CYP19A1: variants seen among roughly 807,000 people sequenced by gnomAD.
CYP19A1 encodes cytochrome P450 family 19 subfamily A member 1.
A neutral mutation model predicts 44.4 loss-of-function variants in CYP19A1; 32 were observed. That is an observed-to-expected ratio of 0.72 (90% CI 0.54 to 0.97). The LOEUF is 0.97. CYP19A1 is among the 50% of genes least tolerant of loss of function. The probability of loss-of-function intolerance (pLI) is 0.00; values close to 1 mark genes in which losing one functional copy is unlikely to be tolerated. For missense variants in CYP19A1, 598 were observed against 637.8 expected (o/e 0.94, Z 0.67); for synonymous variants, 212 against 215.6 (o/e 0.98, Z 0.14).
intron 1 of CYP19A1, among the ~76,000 whole-genome samples, chr15:51,259,028 G>A (rs546185586): frequency 1.1e-4 from 17 of 152,262 alleles, no homozygotes; most frequent in Admixed American, 9.2e-4. Context: ...GGCAGTTTAG[G>A]CAAATCAGGA....
intron 1 of CYP19A1, among the ~76,000 whole-genome samples, chr15:51,251,073 C>G (rs2034287542): frequency 6.6e-6 from 1 of 152,162 alleles, no homozygotes; most frequent in Non-Finnish European, 1.5e-5. Context: ...ACTTCCCAGG[C>G]CTGCCACGCC....
At chr15:51,336,949 A>G (rs990226359) in intron 1 of CYP19A1, among the ~76,000 whole-genome samples, 1 of 151,608 alleles carries the variant, frequency 6.6e-6, no homozygotes, top group East Asian at 1.9e-4. Flanking sequence ...GTAGCAGCCC[A>G]TTCTGTGAAG....
At position 51,208,814 on chromosome 15, in the gene CYP19A1, A is replaced by G. The variant is rs1362893229; in HGVS notation, c.*1994T>C. On this transcript the variant is annotated 3_prime_UTR_variant, in exon 10 of 10. Coordinates refer to ENST00000396402, the MANE Select transcript of CYP19A1 (RefSeq NM_000103.4). ...GGATATTTTTGTACCTGCAAAATAG[A>G]TATCTATGTACAGCTATATCAAACA... is the stretch of plus-strand genomic sequence containing the variant. 1 of 140,812 alleles carries G rather than the reference A, an allele frequency of 7.1e-6. No homozygotes were observed. The highest frequency in any genetic ancestry group is 2.7e-5 in the African/African-American group (1 of 37,660). The allele number at this position is 140,812 out of a possible 1,614,324, so 8.7% of individuals were successfully genotyped here.
chr15:51,319,946 T>C (rs752182786), intron 1 of CYP19A1, among the ~76,000 whole-genome samples: 2 of 152,238 alleles, frequency 1.3e-5, no homozygotes, highest in Non-Finnish European at 2.9e-5. Context: ...AGCTCATGGA[T>C]GTGAACACCT....
intron 1 of CYP19A1, among the ~76,000 whole-genome samples, chr15:51,254,884 G>A (rs755418213): frequency 6.6e-6 from 1 of 152,092 alleles, no homozygotes; most frequent in Non-Finnish European, 1.5e-5. Flanking sequence ...CAAGGTGTTG[G>A]CATTCCTCAA....
chr15:51,243,994 CATACTCCAAGGTTTGCCTTTACTTAG>C (rs2033935403), intron 1 of CYP19A1, among the ~76,000 whole-genome samples: 1 of 152,198 alleles, frequency 6.6e-6, no homozygotes, highest in Non-Finnish European at 1.5e-5. Flanking sequence ...TGGCAGATGA[CATACTCCAAGGTTTGCCTTTACTTAG>C]ACAGGGCCTA....
intron 1 of CYP19A1, among the ~76,000 whole-genome samples, chr15:51,251,770 C>A (rs959007560): frequency 6.6e-6 from 1 of 152,174 alleles, no homozygotes; most frequent in African/African-American, 2.4e-5. Flanking sequence ...GCACTGCTGG[C>A]CTTTCCTTGA....
Position 51,210,681 on chromosome 15 carries a change from G to A in CYP19A1, c.*127C>T, listed in dbSNP as rs758042526. ...CTAGCTTGGTGACAACCCATAGGAGGTATGCCTATAAAATGCCATGGGCCA... is the reference window on the plus strand; with the variant it reads ...CTAGCTTGGTGACAACCCATAGGAGATATGCCTATAAAATGCCATGGGCCA... On this transcript the variant is annotated 3_prime_UTR_variant, in exon 10 of 10. Transcript: ENST00000396402. 2 of 780,492 alleles carry A rather than the reference G, an allele frequency of 2.6e-6. No individual in the cohort carries two copies. Among genetic ancestry groups the A allele is most frequent in the South Asian group, 2.7e-5 (2 of 73,964 alleles). The allele number at this position is 780,492 out of a possible 1,614,324, so 48.3% of individuals were successfully genotyped here. A position where few individuals can be genotyped will look rare whatever the true frequency, so the allele number is the denominator to read the frequency against.
chr15:51,213,149 C>T (rs1029692515), intron 8 of CYP19A1, among the ~76,000 whole-genome samples: 1 of 152,186 alleles, frequency 6.6e-6, no homozygotes, highest in Admixed American at 6.5e-5. Context: ...CCTGTGCAGT[C>T]ATCTGCCCAT....
chr15:51,236,794 G>C, intron 3 of CYP19A1, 65 bp downstream of exon 3: 1 of 1,588,132 alleles, frequency 6.3e-7, no homozygotes, highest in Non-Finnish European at 8.6e-7. Context: ...AAATAAAGTT[G>C]TCTTAAGTGG....
chr15:51,311,281 A>C (rs796408992), intron 1 of CYP19A1, among the ~76,000 whole-genome samples: 40 of 152,356 alleles, frequency 2.6e-4, no homozygotes, highest in African/African-American at 9.1e-4. Context: ...GAAATTATAT[A>C]AAAGAAGAAC....
Position 51,238,235 on chromosome 15 carries a change from C to T in CYP19A1, c.146-1226G>A, listed in dbSNP as rs28757169. On this transcript the variant is annotated intron_variant, in intron 2 of 9. Transcript: ENST00000396402. ...ATTATTTTAGTAACACTACATTATA[C>T]AGTAGATGACTGACTTTGTATTAAA... Among the ~76,000 whole-genome samples, 10 of 152,306 alleles carry T rather than the reference C, an allele frequency of 6.6e-5. No homozygotes were observed. The South Asian group carries it at 1.0e-3, about 16-fold the overall frequency.
intron 6 of CYP19A1, among the ~76,000 whole-genome samples, chr15:51,217,095 A>G (rs1030440332): frequency 2.0e-5 from 3 of 152,218 alleles, no homozygotes; most frequent in Admixed American, 6.5e-5. Context: ...AGCATCTCTT[A>G]TATACAAAGA....
At chr15:51,256,547 C>T (rs11636403) in intron 1 of CYP19A1, among the ~76,000 whole-genome samples, 51,344 of 152,026 alleles carry the variant, frequency 0.34, 10,283 homozygotes, top group Non-Finnish European at 0.45. Flanking sequence ...CATTCTGATC[C>T]GCAAAGGCCA....
intron 1 of CYP19A1, among the ~76,000 whole-genome samples, chr15:51,252,378 T>C (rs2034348796): frequency 1.3e-5 from 2 of 152,206 alleles, no homozygotes; most frequent in South Asian, 4.1e-4. Context: ...CTGCCTCAGG[T>C]GTCCAATGTC....
At chr15:51,293,269 T>C (rs566440526) in intron 1 of CYP19A1, among the ~76,000 whole-genome samples, 1 of 152,136 alleles carries the variant, frequency 6.6e-6, no homozygotes, top group Non-Finnish European at 1.5e-5. Context: ...AAAATATTAA[T>C]AAGTAAAAGA....
chr15:51,244,128 T>A (rs1347750871), intron 1 of CYP19A1, among the ~76,000 whole-genome samples: 1 of 152,230 alleles, frequency 6.6e-6, no homozygotes, highest in Non-Finnish European at 1.5e-5. Flanking sequence ...AACTGGATAT[T>A]GGGGGCTCTG....
intron 1 of CYP19A1, among the ~76,000 whole-genome samples, chr15:51,306,792 C>G (rs932321412): frequency 1.3e-5 from 2 of 152,130 alleles, no homozygotes; most frequent in African/African-American, 4.8e-5. Flanking sequence ...TCCAGACAAT[C>G]AAAGGTGGAA....
rs1464649610 is a variant in CYP19A1, at chr15:51,208,061, T to C, written c.*2747A>G. On this transcript the variant is annotated 3_prime_UTR_variant, in exon 10 of 10. Coordinates refer to ENST00000396402, the MANE Select transcript of CYP19A1 (RefSeq NM_000103.4). ...CATACGCTCCATTTGACTTACTACT[T>C]TGACAAGGTTTAATTAGTATGTCTT... The C allele has an allele frequency of 6.6e-6, 1 of 152,194 alleles. No homozygotes were observed. Among genetic ancestry groups the C allele is most frequent in the African/African-American group, 2.4e-5 (1 of 41,452 alleles). The allele number at this position is 152,194 out of a possible 1,614,324, so 9.4% of individuals were successfully genotyped here.
Sources: gnomAD v4.1 joint callset for allele counts (sites outside exome capture counted in the v4.1 genomes callset) on GRCh38, gnomAD v4.1.1 for gene constraint, MANE v1.5 for transcripts, NCBI Gene and HGNC (gene_info 2026-07-23, HGNC 2026-07-21) for gene names.